Variants in PUM2 observed in about 807,000 individuals in gnomAD.
The protein encoded by PUM2 is pumilio RNA binding family member 2, also known as pumilio homolog 2.
A neutral mutation model predicts 124.5 loss-of-function variants in PUM2; 57 were observed. That is an observed-to-expected ratio of 0.46 (90% CI 0.37 to 0.57). PUM2 has a LOEUF of 0.57. Among genes scored for constraint, PUM2 ranks in the 20% least tolerant of loss-of-function variants. The pLI, the probability that PUM2 is intolerant of heterozygous loss-of-function variation, is 0.00. For missense variants in PUM2, 1,065 were observed against 1,290.6 expected, an observed-to-expected ratio of 0.83 and a Z score of 2.68; for synonymous variants, 460 against 446.1, an observed-to-expected ratio of 1.03 and a Z score of -0.39.
chr2:20,322,761 CCACTG>C (rs2148792996), intron 2 of PUM2, among the ~76,000 whole-genome samples: 1 of 152,278 alleles, frequency 6.6e-6, no homozygotes, highest in Non-Finnish European at 1.5e-5. Flanking sequence ...TGAGACAATG[CCACTG>C]CACTCCAGCT....
intron 1 of PUM2, among the ~76,000 whole-genome samples, chr2:20,334,264 G>C (rs1349323006): frequency 6.6e-6 from 1 of 152,054 alleles, no homozygotes; most frequent in Non-Finnish European, 1.5e-5. Context: ...GTGAGCCATG[G>C]TCCGCTCCAC....
intron 8 of PUM2, among the ~76,000 whole-genome samples, chr2:20,296,681 C>A (rs11683916): frequency 0.36 from 52,841 of 145,004 alleles, 9,868 homozygotes; most frequent in East Asian, 0.75. Flanking sequence ...AAACAAAATT[C>A]TAAGGCAGAT....
intron 1 of PUM2, among the ~76,000 whole-genome samples, chr2:20,346,863 G>C (rs866596548): frequency 6.6e-6 from 1 of 152,118 alleles, no homozygotes; most frequent in East Asian, 1.9e-4. Context: ...AACATTTTAG[G>C]GGGCTTCTGT....
At chr2:20,267,770 C>T (rs1668048540) in intron 13 of PUM2, among the ~76,000 whole-genome samples, 1 of 152,136 alleles carries the variant, frequency 6.6e-6, no homozygotes, top group South Asian at 2.1e-4. Context: ...TCAGCCAAGA[C>T]CCTTAGGCCA....
At chr2:20,307,112 A>G (rs1678520584) in intron 7 of PUM2, among the ~76,000 whole-genome samples, 1 of 152,038 alleles carries the variant, frequency 6.6e-6, no homozygotes, top group Non-Finnish European at 1.5e-5. Context: ...GCTACTCAGA[A>G]GGCTGAGGCA....
At chr2:20,286,142 G>C (rs1672674479) in intron 10 of PUM2, among the ~76,000 whole-genome samples, 2 of 152,172 alleles carry the variant, frequency 1.3e-5, no homozygotes, top group Non-Finnish European at 2.9e-5. Context: ...GAGGAGAGGA[G>C]TGAATTACTT....
intron 1 of PUM2, among the ~76,000 whole-genome samples, chr2:20,328,786 A>G (rs967861290): frequency 2.7e-5 from 4 of 150,260 alleles, no homozygotes; most frequent in African/African-American, 5.0e-5. Context: ...AAAATAGTGG[A>G]AAAAAAATGA....
chr2:20,283,131 C>A lies in PUM2; in HGVS notation c.1536G>T (p.Gln512His), dbSNP rs747852382. 6.2e-7 allele frequency: 1 copy of A among 1,614,138 alleles called. No individual in the cohort carries two copies. The highest frequency in any genetic ancestry group is 8.5e-7 in the Non-Finnish European group (1 of 1,180,024). Residue 512 changes from glutamine to histidine, a missense_variant, in exon 12 of 21, where the codon CAG becomes CAT. Gln to His is a conservative substitution (Grantham distance 24). This residue lies in a region of PUM2 where 968 missense variants were observed against 1,159.8 expected (regional missense o/e 0.83). Transcript: ENST00000361078. ...TAGATTGCAGATTAGTGCTTGGCTG[C>A]TGTTGCTGCTGCTGTGGTGGCTGAG... ...IGTQPPQQQQQQPSTNLQSNS... is the reference protein window; with the variant it reads ...IGTQPPQQQQHQPSTNLQSNS...
intron 13 of PUM2, among the ~76,000 whole-genome samples, chr2:20,268,723 A>C (rs1668313069): frequency 6.6e-6 from 1 of 152,250 alleles, no homozygotes; most frequent in African/African-American, 2.4e-5. Context: ...AATATAAAAC[A>C]GAAGTTACAG....
At chr2:20,300,392 G>A (rs907080132) in intron 7 of PUM2, among the ~76,000 whole-genome samples, 8 of 152,068 alleles carry the variant, frequency 5.3e-5, no homozygotes, top group African/African-American at 1.4e-4. Flanking sequence ...CAGGTGATCC[G>A]CCCGCCTTGG....
At chr2:20,273,815 T>C (rs1669570606) in intron 13 of PUM2, among the ~76,000 whole-genome samples, 1 of 152,130 alleles carries the variant, frequency 6.6e-6, no homozygotes, top group Non-Finnish European at 1.5e-5. Context: ...GAAGTACAAA[T>C]ATAACATATG....
At chr2:20,327,262 G>C (rs1202094714) in intron 2 of PUM2, 48 bp downstream of exon 2, 2 of 1,300,576 alleles carry the variant, frequency 1.5e-6, no homozygotes, top group African/African-American at 1.5e-5. Context: ...AGTTACAATG[G>C]CTCAAAATAA....
At chr2:20,326,414 G>C in intron 2 of PUM2, 1 of 1,304,140 alleles carries the variant, frequency 7.7e-7, no homozygotes, top group Non-Finnish European at 1.0e-6. Context: ...GATGGAGTGA[G>C]TCTCATGAAG....
At chr2:20,271,475 G>A (rs200326302) in intron 13 of PUM2, among the ~76,000 whole-genome samples, 2 of 151,882 alleles carry the variant, frequency 1.3e-5, no homozygotes, top group Non-Finnish European at 2.9e-5. Context: ...CACCGCACCC[G>A]GCTAATTTTT....
At chr2:20,298,296 G>A (rs1298394173) in intron 7 of PUM2, among the ~76,000 whole-genome samples, 1 of 152,218 alleles carries the variant, frequency 6.6e-6, no homozygotes, top group East Asian at 1.9e-4. Context: ...TAACCATCAT[G>A]AAGACCAAGG....
At chr2:20,282,771 T>C (rs1671829112) in intron 12 of PUM2, among the ~76,000 whole-genome samples, 176 bp downstream of exon 12, 1 of 152,208 alleles carries the variant, frequency 6.6e-6, no homozygotes, top group Non-Finnish European at 1.5e-5. Flanking sequence ...GAGTTAAACA[T>C]TGGTGAGTGT....
chr2:20,294,986 T>C (rs1479448656), intron 8 of PUM2, among the ~76,000 whole-genome samples: 1 of 152,232 alleles, frequency 6.6e-6, no homozygotes, highest in East Asian at 1.9e-4. Flanking sequence ...GCTACAATGG[T>C]ATTTGAGTTG....
At chr2:20,338,079 G>A (rs1686486533) in intron 1 of PUM2, among the ~76,000 whole-genome samples, 1 of 152,094 alleles carries the variant, frequency 6.6e-6, no homozygotes, top group South Asian at 2.1e-4. Context: ...CCAAGCATAA[G>A]CCATCACTCA....
intron 7 of PUM2, among the ~76,000 whole-genome samples, chr2:20,299,531 G>A (rs1274220997): frequency 6.6e-6 from 1 of 152,000 alleles, no homozygotes; most frequent in African/African-American, 2.4e-5. Flanking sequence ...AGCTGGGTGT[G>A]GTAGCACATG....
Sources: gnomAD v4.1 joint callset for allele counts (sites outside exome capture counted in the v4.1 genomes callset) on GRCh38, gnomAD v4.1.1 for gene constraint, gnomAD v4.1.1 regional missense constraint, MANE v1.5 for transcripts, NCBI Gene and HGNC (gene_info 2026-07-23, HGNC 2026-07-21) for gene names.